Variants in SPTBN1 observed in about 807,000 individuals in gnomAD.
SPTBN1 encodes the protein spectrin beta chain, non-erythrocytic 1.
A neutral mutation model predicts 266.4 loss-of-function variants in SPTBN1; 32 were observed. That is an observed-to-expected ratio of 0.12 (90% confidence interval 0.09 to 0.16). SPTBN1 has a LOEUF of 0.16. Among genes scored for constraint, SPTBN1 ranks in the 10% least tolerant of loss-of-function variants. The pLI is 1.00. For missense variants in SPTBN1, 2,296 were observed against 3,067.1 expected (o/e 0.75, Z 5.94); for synonymous variants, 1,336 against 1,162.2 (o/e 1.15, Z -3.04).
chr2:54,642,915 C>G, intron 18 of SPTBN1, 68 bp from the exon 19 acceptor site: 1 of 1,563,830 alleles, frequency 6.4e-7, no homozygotes, highest in Non-Finnish European at 8.7e-7. Context: ...TAAACACAAC[C>G]CTTTCCAGGC....
chr2:54,633,200 G>T (rs967870713), intron 17 of SPTBN1, among the ~76,000 whole-genome samples: 1 of 152,168 alleles, frequency 6.6e-6, no homozygotes, highest in African/African-American at 2.4e-5. Flanking sequence ...AAGGGAGGGT[G>T]AAGCTTGCTT....
chr2:54,514,594 C>G (rs1052139466), intron 1 of SPTBN1, among the ~76,000 whole-genome samples: 2 of 152,176 alleles, frequency 1.3e-5, no homozygotes, highest in Non-Finnish European at 2.9e-5. Context: ...AAAGTACACA[C>G]GTTAGTTCTG....
chr2:54,485,196 C>A (rs949347492), intron 1 of SPTBN1, among the ~76,000 whole-genome samples: 1 of 133,522 alleles, frequency 7.5e-6, no homozygotes, highest in Non-Finnish European at 1.7e-5. Context: ...GTCTCCCTCT[C>A]GGTCTCCCTC....
intron 2 of SPTBN1, among the ~76,000 whole-genome samples, chr2:54,589,790 C>T (rs1278569455): frequency 1.3e-5 from 2 of 152,120 alleles, no homozygotes; most frequent in Non-Finnish European, 2.9e-5. Flanking sequence ...TTCCGGCTTC[C>T]TGCTCTGTGT....
intron 1 of SPTBN1, among the ~76,000 whole-genome samples, chr2:54,459,591 T>A (rs565859242): frequency 6.4e-5 from 9 of 141,056 alleles, no homozygotes; most frequent in African/African-American, 2.6e-4. Context: ...TTATAGAACA[T>A]TTTAAAGCCT....
chr2:54,588,789 A>G (rs1003810852), intron 2 of SPTBN1, among the ~76,000 whole-genome samples: 1 of 152,216 alleles, frequency 6.6e-6, no homozygotes, highest in Non-Finnish European at 1.5e-5. Context: ...GTTTGGAAGC[A>G]TGCTACCCAT....
chr2:54,528,699 T>TAAAAAAA (rs10591541), intron 2 of SPTBN1: 1 of 142,428 alleles, frequency 7.0e-6, no homozygotes, highest in Non-Finnish European at 1.6e-5. Flanking sequence ...TTCAGTAAAG[T>TAAAAAAA]AAAAAAAAAA....
intron 2 of SPTBN1, among the ~76,000 whole-genome samples, chr2:54,534,847 A>T (rs1167081462): frequency 6.6e-6 from 1 of 152,136 alleles, no homozygotes; most frequent in Non-Finnish European, 1.5e-5. Flanking sequence ...CCATGCACTC[A>T]TCCCCCTTCC....
chr2:54,638,889 G>C (rs1293033821), intron 18 of SPTBN1, among the ~76,000 whole-genome samples: 1 of 152,204 alleles, frequency 6.6e-6, no homozygotes, highest in Non-Finnish European at 1.5e-5. Context: ...TACGGCTCCA[G>C]TGACAGCTGC....
At chr2:54,527,180 C>T (rs115420381) in intron 2 of SPTBN1, 2 of 152,278 alleles carry the variant, frequency 1.3e-5, no homozygotes, top group South Asian at 2.1e-4. Context: ...CTAAAATTGC[C>T]CTGAAAATCA....
chr2:54,561,072 CT>C (rs1673267070), intron 2 of SPTBN1, among the ~76,000 whole-genome samples: 4 of 152,160 alleles, frequency 2.6e-5, no homozygotes, highest in African/African-American at 9.7e-5. Flanking sequence ...TTTTTTTACT[CT>C]TCTGAGTATA....
chr2:54,607,906 C>G (rs1188387155), intron 3 of SPTBN1, among the ~76,000 whole-genome samples: 2 of 152,168 alleles, frequency 1.3e-5, no homozygotes, highest in Non-Finnish European at 2.9e-5. Flanking sequence ...AAATAATAAT[C>G]TGAGACTGGA....
At chr2:54,556,971 T>C (rs11892788) in intron 2 of SPTBN1, among the ~76,000 whole-genome samples, 122,224 of 152,126 alleles carry the variant, frequency 0.8, 49,659 homozygotes, top group African/African-American at 0.94. Context: ...TTTGTAATGC[T>C]CTGCCTAGCC....
intron 2 of SPTBN1, among the ~76,000 whole-genome samples, chr2:54,569,959 A>C (rs1673939861): frequency 6.8e-6 from 1 of 148,104 alleles, no homozygotes; most frequent in Non-Finnish European, 1.5e-5. Flanking sequence ...AAATGCACCC[A>C]ACTGAAACCA....
At position 54,664,092 on chromosome 2, in the gene SPTBN1, A is replaced by T. The variant is rs964322426; in HGVS notation, c.6421-361A>T. 12 of 170,900 alleles carry T rather than the reference A, an allele frequency of 7.0e-5. No homozygotes were observed. Among genetic ancestry groups the T allele is most frequent in the Non-Finnish European group, 1.4e-4 (11 of 80,374 alleles). The allele number at this position is 170,900 out of a possible 1,614,324, so 10.6% of individuals were successfully genotyped here. A position where few individuals can be genotyped will look rare whatever the true frequency, so the allele number is the denominator to read the frequency against. The stretch of plus-strand genomic sequence containing the variant: ...TCCTTGGTTGTAAGGTGGCTGCTGT[A>T]TAACGTCCACTCTCTTTCATATTTA... On this transcript the variant is annotated intron_variant, in intron 32 of 35. Coordinates refer to ENST00000356805, the MANE Select transcript of SPTBN1 (RefSeq NM_003128.3). This position sits in a 1 kb window ranked among gnomAD's most constrained non-coding sequence, Gnocchi z 5.6.
intron 2 of SPTBN1, among the ~76,000 whole-genome samples, chr2:54,557,094 G>A (rs1321643000): frequency 6.6e-6 from 1 of 152,204 alleles, no homozygotes; most frequent in African/African-American, 2.4e-5. Flanking sequence ...AAAAGCCAAA[G>A]GTTGACATGT....
chr2:54,658,259 T>G (rs1680812985), intron 30 of SPTBN1, among the ~76,000 whole-genome samples: 1 of 152,216 alleles, frequency 6.6e-6, no homozygotes, highest in South Asian at 2.1e-4. Context: ...CCTGGGCACC[T>G]GGATTTATGA....
At chr2:54,487,370 G>A (rs1414124019) in intron 1 of SPTBN1, among the ~76,000 whole-genome samples, 1 of 149,930 alleles carries the variant, frequency 6.7e-6, no homozygotes, top group African/African-American at 2.5e-5. Context: ...CACCTTTGAT[G>A]TGTACTTGTT....
chr2:54,605,943 A>G (rs12713271), intron 3 of SPTBN1, among the ~76,000 whole-genome samples: 34,887 of 151,888 alleles, frequency 0.23, 5,014 homozygotes, highest in African/African-American at 0.41. Flanking sequence ...GTGGCATTGA[A>G]CTTCTTCAAC....
Sources: gnomAD v4.1 joint callset for allele counts (sites outside exome capture counted in the v4.1 genomes callset) on GRCh38, gnomAD v4.1.1 for gene constraint, Gnocchi (gnomAD v3.1) non-coding constraint, MANE v1.5 for transcripts, NCBI Gene and HGNC (gene_info 2026-07-23, HGNC 2026-07-21) for gene names.